The following SLC23A1 variants were observed in gnomAD, a reference collection of about 807,000 sequenced individuals.
SLC23A1 encodes the protein solute carrier family 23 member 1.
In SLC23A1, 31 loss-of-function variants were observed where a neutral mutation model predicts 62.5. The ratio of observed to expected loss-of-function variants is 0.50; its 90% CI spans 0.37 to 0.67. The LOEUF (loss-of-function observed/expected upper bound fraction) is 0.67. Among genes scored for constraint, SLC23A1 ranks in the 30% least tolerant of loss-of-function variants. The pLI is 0.00. For synonymous variants in SLC23A1, 271 were observed against 313.2 expected (o/e 0.87, Z 1.42); for missense variants, 640 against 782.7 (o/e 0.82, Z 2.18).
chr5:139,371,954 A>G, intron 14 of SLC23A1, 33 bp downstream of exon 14: 3 of 1,555,068 alleles, frequency 1.9e-6, no homozygotes, highest in Non-Finnish European at 2.6e-6. Context: ...TTGATTATTC[A>G]ACCCTCCCAC....
intron 5 of SLC23A1, 48 bp from the exon 6 acceptor site, chr5:139,380,437 C>G: frequency 6.2e-7 from 1 of 1,609,426 alleles, no homozygotes; most frequent in Non-Finnish European, 8.5e-7. Context: ...AGGTCATGAC[C>G]TGGCTGCTGC....
chr5:139,368,569 T>C (rs926589029), intron 14 of SLC23A1, among the ~76,000 whole-genome samples: 5 of 151,700 alleles, frequency 3.3e-5, no homozygotes, highest in East Asian at 1.9e-4. Flanking sequence ...TAATATGATA[T>C]ATAGCTTACA....
At chr5:139,384,008 C>T (rs1259863890), upstream of SLC23A1, among the ~76,000 whole-genome samples, 1 of 152,222 alleles carries the variant, frequency 6.6e-6, no homozygotes, top group Non-Finnish European at 1.5e-5. Flanking sequence ...TTTCCCCTCC[C>T]AGCCACATAA....
intron 13 of SLC23A1, 95 bp from the exon 14 acceptor site, chr5:139,372,348 A>C: frequency 8.5e-7 from 1 of 1,171,386 alleles, no homozygotes; most frequent in Non-Finnish European, 1.2e-6. Flanking sequence ...TCTGGAATCA[A>C]GTATCTTCCT....
chr5:139,367,294 C>T lies in SLC23A1; in HGVS notation c.*357G>A, dbSNP rs1486309899. 1 of 152,086 alleles carries T rather than the reference C, an allele frequency of 6.6e-6. No individual in the cohort carries two copies. Among genetic ancestry groups the T allele is most frequent in the Non-Finnish European group, 1.5e-5 (1 of 68,022 alleles). The allele number at this position is 152,086 out of a possible 1,614,324, so 9.4% of individuals were successfully genotyped here. On this transcript the variant is annotated 3_prime_UTR_variant, in exon 15 of 15. Transcript: ENST00000348729. ...CCTTGCAGCATACCTACATTTCAGGCCCTGGAACCTGCCCTCATTTCTTTT... is the reference window on the plus strand; with the variant it reads ...CCTTGCAGCATACCTACATTTCAGGTCCTGGAACCTGCCCTCATTTCTTTT...
At chr5:139,382,289 C>T in intron 2 of SLC23A1, 2 of 600,956 alleles carry the variant, frequency 3.3e-6, no homozygotes, top group Non-Finnish European at 5.9e-6. Context: ...TCACCAACAC[C>T]CCACCTGGCA....
rs1758098246 is a variant in SLC23A1 at position 139,379,094 on chromosome 5, G to A, written c.1073+113C>T. 1 of 1,041,200 alleles carries A rather than the reference G, an allele frequency of 9.6e-7. No homozygotes were observed. Among genetic ancestry groups the A allele is most frequent in the African/African-American group, 1.6e-5 (1 of 63,562 alleles). The allele number at this position is 1,041,200 out of a possible 1,614,324, so 64.5% of individuals were successfully genotyped here. A position where few individuals can be genotyped will look rare whatever the true frequency, so the allele number is the denominator to read the frequency against. On this transcript the variant is annotated intron_variant, in intron 9 of 14. Transcript: ENST00000348729. This position sits in a 1 kb window ranked among gnomAD's most constrained non-coding sequence, Gnocchi z 4.7. ...GCACAAACAAGGAGAATGAGGTCTG[G>A]AGCGTGTTCCCGACTTGCCTAAGCC...
intron 1 of SLC23A1, 28 bp downstream of exon 1, chr5:139,383,190 C>T (rs868161472): frequency 2.3e-6 from 1 of 425,898 alleles, no homozygotes; most frequent in Non-Finnish European, 3.5e-6. Flanking sequence ...CCCTGCCCCC[C>T]CTAGCCCCCA....
Position 139,379,679 on chromosome 5 carries a change from G to A in SLC23A1, c.924C>T (p.Pro308=). ...AIAPWIRIPY[P]CQWGLPTVTA... is the part of the protein sequence containing the mutation. Reference sequence around the variant, plus strand: ...AGGGGCCCAAGGGGTGTTGCTCACAGGGGTAGGGGATGCGGATCCAGGGTG... The same window carrying A: ...AGGGGCCCAAGGGGTGTTGCTCACAAGGGTAGGGGATGCGGATCCAGGGTG... The change falls in exon 8 of 15, where the codon CCC becomes CCT. Residue 308 remains proline, a splice_region_variant and synonymous_variant. Coordinates refer to ENST00000348729, the MANE Select transcript of SLC23A1 (RefSeq NM_005847.5). The surrounding 1 kb of genome is among the most constrained non-coding windows in gnomAD (Gnocchi z 4.7). 6.2e-7 allele frequency: 1 copy of A among 1,611,282 alleles called. No individual in the cohort carries two copies. Among genetic ancestry groups the A allele is most frequent in the Non-Finnish European group, 8.5e-7 (1 of 1,178,504 alleles).
intron 13 of SLC23A1, 74 bp downstream of exon 13, chr5:139,377,328 C>T: frequency 1.2e-6 from 1 of 836,450 alleles, no homozygotes; most frequent in Non-Finnish European, 2.1e-6. Flanking sequence ...CACACAGCTC[C>T]AGCTCAGAGG....
At position 139,372,265 on chromosome 5, in the gene SLC23A1, TAGTG is replaced by T; in HGVS notation, c.1550-16_1550-13del. 6.2e-7 allele frequency: 1 copy of T among 1,607,388 alleles called. No homozygotes were observed. Among genetic ancestry groups the T allele is most frequent in the Non-Finnish European group, 8.5e-7 (1 of 1,175,802 alleles). On this transcript the variant is annotated splice_polypyrimidine_tract_variant and intron_variant, in intron 13 of 14. Coordinates refer to ENST00000348729, the MANE Select transcript of SLC23A1 (RefSeq NM_005847.5). ...CTCCTCTGGGCTCCCTGGAAGAGGA[TAGTG>T]AGGTCATTTACCAAGGCCAGCAACC... is the stretch of plus-strand genomic sequence containing the variant.
At chr5:139,373,874 T>C (rs1330822360) in intron 13 of SLC23A1, among the ~76,000 whole-genome samples, 1 of 152,144 alleles carries the variant, frequency 6.6e-6, no homozygotes, top group Non-Finnish European at 1.5e-5. Flanking sequence ...GTTTCTGGTG[T>C]CCGATTACCT....
chr5:139,372,170 C>G lies in SLC23A1; in HGVS notation c.1633G>C (p.Asp545His). The change falls in exon 14 of 15, where the codon GAT becomes CAT. Residue 545 changes from aspartate to histidine, a missense_variant. Asp to His is a moderately conservative substitution (Grantham distance 81). Coordinates refer to ENST00000348729, the MANE Select transcript of SLC23A1 (RefSeq NM_005847.5). ...SDMSSSLKSYDFPIGMGIVKR... is the reference protein window; with the variant it reads ...SDMSSSLKSYHFPIGMGIVKR... ...ACTATGCCCATCCCAATGGGGAAAT[C>G]GTAGCTCTTGAGGCTGGAAGACATG... The G allele has an allele frequency of 1.2e-6, 2 of 1,613,338 alleles. No homozygotes were observed. The highest frequency in any genetic ancestry group is 1.1e-5 in the South Asian group (1 of 91,058).
intron 13 of SLC23A1, 92 bp downstream of exon 13, chr5:139,377,310 G>A: frequency 2.6e-6 from 2 of 762,172 alleles, no homozygotes; most frequent in Non-Finnish European, 4.8e-6. Context: ...CATTGCATGG[G>A]ACCTAACCAC....
chr5:139,367,902 T>C (rs939989783), intron 14 of SLC23A1, among the ~76,000 whole-genome samples: 16 of 152,252 alleles, frequency 1.1e-4, no homozygotes, highest in African/African-American at 3.4e-4. Context: ...ATTTTCTCTT[T>C]AGAAAATTGA....
In SLC23A1 at chr5:139,377,426, A is replaced by G; in HGVS notation, c.1525T>C (p.Phe509Leu). Residue 509 changes from phenylalanine to leucine, a missense_variant, in exon 13 of 15, where the codon TTC becomes CTC. Coordinates refer to ENST00000348729, the MANE Select transcript of SLC23A1 (RefSeq NM_005847.5). ...TEMFVGGCLAFILDNTVPGSP... is the reference protein window; with the variant it reads ...TEMFVGGCLALILDNTVPGSP... ...CCTGGCACTGTGTTGTCAAGTATGA[A>G]AGCAAGGCACCCGCCCACAAACATC... 6.2e-7 allele frequency: 1 copy of G among 1,607,130 alleles called. No homozygotes were observed. Among genetic ancestry groups the G allele is most frequent in the Non-Finnish European group, 8.5e-7 (1 of 1,173,572 alleles).
chr5:139,383,459 C>T (rs538238906), upstream of SLC23A1: 1 of 859,642 alleles, frequency 1.2e-6, no homozygotes, highest in African/African-American at 1.8e-5. Flanking sequence ...AAGCCTCTGC[C>T]ACATGTGCCC....
At chr5:139,383,316 G>T, upstream of SLC23A1, 1 of 1,595,348 alleles carries the variant, frequency 6.3e-7, no homozygotes, top group Non-Finnish European at 8.5e-7. Context: ...AAAGGCCAAG[G>T]AGGAGGACTT....
upstream of SLC23A1, chr5:139,384,878 T>C (rs1758449224): frequency 2.5e-6 from 1 of 407,264 alleles, no homozygotes; most frequent in South Asian, 1.0e-4. Context: ...TCCTGGTGTC[T>C]AGGGTTTCTC....
Sources: allele counts gnomAD v4.1 joint callset (sites outside exome capture counted in the v4.1 genomes callset), GRCh38; gene constraint gnomAD v4.1.1; non-coding constraint Gnocchi (gnomAD v3.1); transcripts MANE v1.5; gene names NCBI Gene and HGNC (gene_info 2026-07-23, HGNC 2026-07-21).